The following PRKN variants were observed in gnomAD, a reference collection of about 807,000 sequenced individuals.
PRKN encodes the protein E3 ubiquitin-protein ligase parkin.
Under a neutral mutation model 59.5 loss-of-function variants are expected in PRKN, and 56 were observed. The ratio of observed to expected loss-of-function variants is 0.94; its 90% CI spans 0.76 to 1.18. The LOEUF (loss-of-function observed/expected upper bound fraction) is 1.18, where lower values mean the gene tolerates loss of function less well. PRKN is among the 50% of genes most tolerant of loss of function. The probability of loss-of-function intolerance (pLI) is 0.00; values close to 1 mark genes in which losing one functional copy is unlikely to be tolerated. For synonymous variants in PRKN, 250 were observed against 222.1 expected (o/e 1.13, Z -1.12); for missense variants, 657 against 596.4 (o/e 1.10, Z -1.06).
intron 7 of PRKN, among the ~76,000 whole-genome samples, chr6:161,657,821 T>G (rs1341085982): frequency 6.6e-6 from 1 of 151,530 alleles, no homozygotes; most frequent in Non-Finnish European, 1.5e-5. Flanking sequence ...AGGCCAGGAG[T>G]TGGAGACGGG....
chr6:162,100,075 T>C (rs1184191334), intron 4 of PRKN, among the ~76,000 whole-genome samples: 2 of 152,272 alleles, frequency 1.3e-5, no homozygotes, highest in Non-Finnish European at 2.9e-5. Context: ...GTCCTTCAGG[T>C]TCATCCATGT....
Position 162,262,782 on chromosome 6 carries a change from T to TAAAAAAAAAAAAAAAAAAAAA in PRKN, c.172-38_172-18dup. The TAAAAAAAAAAAAAAAAAAAAA allele has an allele frequency of 1.5e-6, 2 of 1,360,316 alleles. No homozygotes were observed. The highest frequency in any genetic ancestry group is 2.9e-5 in the Admixed American group (1 of 34,498). The allele number at this position is 1,360,316 out of a possible 1,614,324, so 84.3% of individuals were successfully genotyped here. ...GTCACAATTCTGTTTGGGAGCAAGG[T>TAAAAAAAAAAAAAAAAAAAAA]AAAAAAAAAAAAAAAAAAAAAGGAA... On this transcript the variant is annotated splice_polypyrimidine_tract_variant and intron_variant, in intron 2 of 11. Coordinates refer to ENST00000366898, the MANE Select transcript of PRKN (RefSeq NM_004562.3).
At chr6:162,631,798 T>A (rs1347846854) in intron 1 of PRKN, among the ~76,000 whole-genome samples, 3 of 152,098 alleles carry the variant, frequency 2.0e-5, no homozygotes, top group Non-Finnish European at 4.4e-5. Flanking sequence ...TCCTAAGTTG[T>A]CTTTCAGAAT....
intron 6 of PRKN, among the ~76,000 whole-genome samples, chr6:161,793,862 C>T: frequency 6.6e-6 from 1 of 152,086 alleles, no homozygotes; most frequent in East Asian, 1.9e-4. Flanking sequence ...AATATAAATT[C>T]TCTATCTCCT....
chr6:161,788,763 T>G (rs771623511), intron 6 of PRKN, among the ~76,000 whole-genome samples: 34 of 152,220 alleles, frequency 2.2e-4, no homozygotes, highest in Non-Finnish European at 1.0e-4. Context: ...TGTGTGTTTC[T>G]GCATGTCCTC....
At chr6:162,319,851 T>A (rs1294114540) in intron 2 of PRKN, among the ~76,000 whole-genome samples, 1 of 151,990 alleles carries the variant, frequency 6.6e-6, no homozygotes, top group Admixed American at 6.6e-5. Context: ...ATTTTTCAAC[T>A]AATGTAAACA....
At chr6:161,855,032 G>A (rs377507094) in intron 6 of PRKN, among the ~76,000 whole-genome samples, 56 of 143,704 alleles carry the variant, frequency 3.9e-4, no homozygotes, top group African/African-American at 1.3e-3. Context: ...GCAGTGAGCC[G>A]AGATCATGCC....
At chr6:161,628,368 G>A (rs894606889) in intron 7 of PRKN, among the ~76,000 whole-genome samples, 3 of 152,182 alleles carry the variant, frequency 2.0e-5, no homozygotes, top group Admixed American at 2.0e-4. Context: ...GATGAGTGCT[G>A]TCTTCTTGCT....
intron 7 of PRKN, among the ~76,000 whole-genome samples, chr6:161,628,465 C>T (rs376961816): frequency 1.8e-4 from 28 of 152,192 alleles, no homozygotes; most frequent in African/African-American, 6.3e-4. Flanking sequence ...TCTCTACCCT[C>T]ATGACCTAAT....
chr6:161,680,750 TA>T (rs1562603647), intron 7 of PRKN, among the ~76,000 whole-genome samples: 2,833 of 19,960 alleles, frequency 0.14, 207 homozygotes, highest in Middle Eastern at 0.24. Flanking sequence ...TATATATATA[TA>T]TATATATATA....
chr6:162,698,943 C>T (rs1266052515), intron 1 of PRKN, among the ~76,000 whole-genome samples: 1 of 152,174 alleles, frequency 6.6e-6, no homozygotes, highest in Non-Finnish European at 1.5e-5. Flanking sequence ...ATAGAGTTCA[C>T]AGAAACAACA....
chr6:161,988,090 C>A (rs1781501216), intron 5 of PRKN, among the ~76,000 whole-genome samples: 1 of 152,148 alleles, frequency 6.6e-6, no homozygotes, highest in Admixed American at 6.5e-5. Context: ...ACAGCTCATG[C>A]CCCCACCAGG....
chr6:161,611,152 A>C (rs1782475528), intron 7 of PRKN, among the ~76,000 whole-genome samples: 1 of 152,150 alleles, frequency 6.6e-6, no homozygotes, highest in Non-Finnish European at 1.5e-5. Context: ...AAATCTATTA[A>C]TTAGGGCTGT....
rs184047029 is a variant in PRKN, at chr6:161,907,229, G to T, written c.734+66073C>A. 2.8e-4 allele frequency among the ~76,000 whole-genome samples: 42 copies of T among 152,174 alleles called. No homozygotes were observed. The East Asian group carries it at 6.0e-3, about 22-fold the overall frequency. On this transcript the variant is annotated intron_variant, in intron 6 of 11. Coordinates refer to ENST00000366898, the MANE Select transcript of PRKN (RefSeq NM_004562.3). ...TTCATTTTGGAGAACATTATTTCAT[G>T]CTGGTTCTAGATGAATTTCACTGGT...
intron 6 of PRKN, among the ~76,000 whole-genome samples, chr6:161,855,907 C>T (rs913245839): frequency 1.3e-5 from 2 of 152,120 alleles, no homozygotes; most frequent in Non-Finnish European, 2.9e-5. Context: ...CAGGGTTCAT[C>T]CCAAGGATTT....
chr6:162,282,392 C>T (rs1310674175), intron 2 of PRKN, among the ~76,000 whole-genome samples: 3 of 148,868 alleles, frequency 2.0e-5, no homozygotes, highest in Admixed American at 1.4e-4. Flanking sequence ...ACAATGGAAT[C>T]ACATCTGCTA....
At chr6:162,655,081 T>A (rs7746046) in intron 1 of PRKN, among the ~76,000 whole-genome samples, 2,686 of 152,272 alleles carry the variant, frequency 0.018, 70 homozygotes, top group African/African-American at 0.062. Context: ...ATTCATCTTT[T>A]TCATAAATTT....
chr6:161,910,941 T>C (rs1405223123), intron 6 of PRKN, among the ~76,000 whole-genome samples: 2 of 152,202 alleles, frequency 1.3e-5, no homozygotes, highest in Admixed American at 1.3e-4. Context: ...CTTAAAGAAA[T>C]AATGGTAATA....
At chr6:162,153,080 G>A (rs568884346) in intron 4 of PRKN, among the ~76,000 whole-genome samples, 3 of 152,298 alleles carry the variant, frequency 2.0e-5, no homozygotes, top group South Asian at 4.1e-4. Context: ...ATGATCACAA[G>A]TGTTCAAGGC....
Sources: gnomAD v4.1 joint callset for allele counts (sites outside exome capture counted in the v4.1 genomes callset) on GRCh38, gnomAD v4.1.1 for gene constraint, MANE v1.5 for transcripts, NCBI Gene and HGNC (gene_info 2026-07-23, HGNC 2026-07-21) for gene names.